The following ANGPT1 variants were observed in gnomAD, a reference collection of about 807,000 sequenced individuals.
ANGPT1 encodes the protein angiopoietin 1.
In ANGPT1, 17 loss-of-function variants were observed where a neutral mutation model predicts 62.2. That is an observed-to-expected ratio of 0.27 (90% CI 0.19 to 0.41). The LOEUF (loss-of-function observed/expected upper bound fraction) is 0.41, where lower values mean the gene tolerates loss of function less well. Among genes scored for constraint, ANGPT1 ranks in the 10% least tolerant of loss-of-function variants. ANGPT1 has a pLI of 1.00. For synonymous variants in ANGPT1, 199 were observed against 198.9 expected (o/e 1.00, Z 0.00); for missense variants, 478 against 594.9 (o/e 0.80, Z 2.04).
intron 1 of ANGPT1, among the ~76,000 whole-genome samples, chr8:107,424,218 G>C (rs1810978476): frequency 6.6e-6 from 1 of 151,964 alleles, no homozygotes; most frequent in Non-Finnish European, 1.5e-5. Context: ...TACAATCTTA[G>C]TTGGCTTCAA....
At chr8:107,326,254 T>C (rs1815286227) in intron 3 of ANGPT1, among the ~76,000 whole-genome samples, 1 of 152,108 alleles carries the variant, frequency 6.6e-6, no homozygotes, top group Non-Finnish European at 1.5e-5. Flanking sequence ...GCATAACAAC[T>C]ACAAGCAAAT....
chr8:107,422,272 C>A (rs1214100413), intron 1 of ANGPT1, among the ~76,000 whole-genome samples: 1 of 152,070 alleles, frequency 6.6e-6, no homozygotes, highest in Admixed American at 6.6e-5. Context: ...TTGTCGGCAA[C>A]CTGGGAAAGA....
intron 5 of ANGPT1, chr8:107,294,598 A>AT (rs1386714709): frequency 6.6e-6 from 1 of 152,274 alleles, no homozygotes; most frequent in African/African-American, 2.4e-5. Context: ...CATTTGTGGC[A>AT]TAGCATATGT....
At chr8:107,377,024 A>G (rs1816543502) in intron 1 of ANGPT1, among the ~76,000 whole-genome samples, 1 of 152,184 alleles carries the variant, frequency 6.6e-6, no homozygotes, top group African/African-American at 2.4e-5. Flanking sequence ...TGATTACACA[A>G]ATACTTACAA....
chr8:107,459,301 G>C (rs1178720686), intron 1 of ANGPT1, among the ~76,000 whole-genome samples: 1 of 152,116 alleles, frequency 6.6e-6, no homozygotes, highest in Non-Finnish European at 1.5e-5. Flanking sequence ...TGTAATCCTA[G>C]TACTTTGGGA....
intron 2 of ANGPT1, among the ~76,000 whole-genome samples, chr8:107,343,218 G>T (rs10101176): frequency 0.22 from 32,673 of 151,896 alleles, 4,111 homozygotes; most frequent in African/African-American, 0.34. Flanking sequence ...TGATTAAATG[G>T]GATTAAACAT....
rs181229961 is a variant in ANGPT1 at position 107,273,859 on chromosome 8, C to T, written c.1206-9508G>A. 2.7e-5 allele frequency among the ~76,000 whole-genome samples: 4 copies of T among 149,626 alleles called. No individual in the cohort carries two copies. In the East Asian group the frequency reaches 5.9e-4, roughly 22 times the overall value. ...GGACTGTGAGTGTAAAGGTGAATTA[C>T]ACATAAATTTATACAAAATTTTGTG... On this transcript the variant is annotated intron_variant, in intron 7 of 8. Coordinates refer to ENST00000517746, the MANE Select transcript of ANGPT1 (RefSeq NM_001146.5).
At chr8:107,460,442 T>C (rs968190612) in intron 1 of ANGPT1, among the ~76,000 whole-genome samples, 2 of 152,176 alleles carry the variant, frequency 1.3e-5, no homozygotes, top group Non-Finnish European at 2.9e-5. Flanking sequence ...AAATCTTTCA[T>C]AAAATAGATT....
At chr8:107,447,891 G>A (rs1350178130) in intron 1 of ANGPT1, among the ~76,000 whole-genome samples, 1 of 152,194 alleles carries the variant, frequency 6.6e-6, no homozygotes, top group African/African-American at 2.4e-5. Flanking sequence ...CAAAGGATTT[G>A]AGCAAGGGAT....
intron 5 of ANGPT1, among the ~76,000 whole-genome samples, chr8:107,298,484 A>T (rs1419724583): frequency 6.6e-6 from 1 of 151,886 alleles, no homozygotes; most frequent in African/African-American, 2.4e-5. Context: ...AAAGAAAAAT[A>T]AACACAAGCC....
intron 3 of ANGPT1, among the ~76,000 whole-genome samples, chr8:107,326,557 G>A (rs182636043): frequency 5.3e-5 from 8 of 151,538 alleles, no homozygotes; most frequent in African/African-American, 1.9e-4. Flanking sequence ...TCTTCTCTTT[G>A]ATTCCTCCCA....
intron 1 of ANGPT1, among the ~76,000 whole-genome samples, chr8:107,406,101 T>TTGGCATTTTATAGTTATAAAGA (rs1333759044): frequency 1.3e-5 from 2 of 151,914 alleles, no homozygotes; most frequent in Non-Finnish European, 2.9e-5. Flanking sequence ...TAAAATATAA[T>TTGGCATTTTATAGTTATAAAGA]ATGTAATTGG....
At chr8:107,300,005 C>CTATATATATA (rs1814541859) in intron 5 of ANGPT1, among the ~76,000 whole-genome samples, 1 of 136,778 alleles carries the variant, frequency 7.3e-6, no homozygotes. Flanking sequence ...AACTATATAT[C>CTATATATATA]TAGATATCTA....
At chr8:107,454,790 AC>A (rs1457704133) in intron 1 of ANGPT1, among the ~76,000 whole-genome samples, 2 of 152,068 alleles carry the variant, frequency 1.3e-5, no homozygotes, top group African/African-American at 4.8e-5. Context: ...TCCTTTAAAT[AC>A]ATACACATAT....
intron 5 of ANGPT1, among the ~76,000 whole-genome samples, chr8:107,299,621 A>C (rs1814516056): frequency 7.2e-6 from 1 of 139,740 alleles, no homozygotes; most frequent in African/African-American, 2.6e-5. Flanking sequence ...TTATATATCT[A>C]TATATAGATC....
chr8:107,451,687 C>T (rs983808976), intron 1 of ANGPT1, among the ~76,000 whole-genome samples: 17 of 151,816 alleles, frequency 1.1e-4, no homozygotes, highest in African/African-American at 3.4e-4. Flanking sequence ...AAAACAGATA[C>T]GAAAATCACA....
At chr8:107,253,478 T>C (rs185413516) in intron 8 of ANGPT1, among the ~76,000 whole-genome samples, 2 of 152,316 alleles carry the variant, frequency 1.3e-5, no homozygotes, top group African/African-American at 4.8e-5. Context: ...TTCAACTTGA[T>C]TGATTCTGTT....
chr8:107,331,962 G>C (rs375128138), intron 3 of ANGPT1, among the ~76,000 whole-genome samples: 22 of 152,236 alleles, frequency 1.4e-4, no homozygotes, highest in African/African-American at 4.6e-4. Context: ...CTTTAGCCTG[G>C]CTTTGCTTCC....
At chr8:107,375,737 G>T (rs191479362) in intron 1 of ANGPT1, among the ~76,000 whole-genome samples, 2 of 152,282 alleles carry the variant, frequency 1.3e-5, no homozygotes, top group Admixed American at 6.5e-5. Context: ...AGAGAGGAAA[G>T]TACCAGCAAC....
Sources: gnomAD v4.1 joint callset for allele counts (sites outside exome capture counted in the v4.1 genomes callset) on GRCh38, gnomAD v4.1.1 for gene constraint, MANE v1.5 for transcripts, NCBI Gene and HGNC (gene_info 2026-07-23, HGNC 2026-07-21) for gene names.